Variants in TTC29 observed in about 807,000 individuals in gnomAD.
TTC29 encodes tetratricopeptide repeat domain 29.
In TTC29, 49 loss-of-function variants were observed where a neutral mutation model predicts 58.1. That is an observed-to-expected ratio of 0.84 (90% CI 0.67 to 1.07). TTC29 has a LOEUF of 1.07. Among genes scored for constraint, TTC29 ranks in the 50% least tolerant of loss-of-function variants. The pLI is 0.00. For missense variants in TTC29, 582 were observed against 555.6 expected (o/e 1.05, Z -0.48); for synonymous variants, 209 against 196.8 (o/e 1.06, Z -0.52).
intron 10 of TTC29, among the ~76,000 whole-genome samples, chr4:146,817,089 A>G (rs1751460154): frequency 1.3e-5 from 2 of 152,210 alleles, no homozygotes; most frequent in Non-Finnish European, 2.9e-5. Flanking sequence ...CAGGGCAATT[A>G]GGCAGGAGAA....
At chr4:146,775,097 T>C (rs781772646) in intron 11 of TTC29, among the ~76,000 whole-genome samples, 1 of 152,144 alleles carries the variant, frequency 6.6e-6, no homozygotes, top group Non-Finnish European at 1.5e-5. Flanking sequence ...CATTGCTCAG[T>C]AGCTTTTCTC....
At chr4:146,747,408 G>A (rs1218504128) in intron 11 of TTC29, among the ~76,000 whole-genome samples, 2 of 152,296 alleles carry the variant, frequency 1.3e-5, no homozygotes, top group African/African-American at 2.4e-5. Context: ...CTCAATCAGA[G>A]CTTCTGCTAT....
At chr4:146,743,779 CA>C (rs1378536577) in intron 11 of TTC29, among the ~76,000 whole-genome samples, 1 of 152,216 alleles carries the variant, frequency 6.6e-6, no homozygotes, top group Non-Finnish European at 1.5e-5. Flanking sequence ...ATTGTCCCAT[CA>C]AGAGGGTATT....
intron 10 of TTC29, among the ~76,000 whole-genome samples, chr4:146,819,011 C>T (rs1052410712): frequency 3.3e-5 from 5 of 151,524 alleles, no homozygotes; most frequent in Non-Finnish European, 5.9e-5. Context: ...TGCTAAATGA[C>T]GAGTTAATGG....
At chr4:146,811,863 C>A (rs532050834) in intron 10 of TTC29, among the ~76,000 whole-genome samples, 1 of 152,208 alleles carries the variant, frequency 6.6e-6, no homozygotes, top group South Asian at 2.1e-4. Context: ...ATCTTATATG[C>A]CCACACAGAC....
intron 8 of TTC29, among the ~76,000 whole-genome samples, chr4:146,861,182 C>T (rs1010979168): frequency 1.3e-5 from 2 of 152,144 alleles, no homozygotes; most frequent in African/African-American, 4.8e-5. Flanking sequence ...CTAAGAGAGG[C>T]CATTCCTTTT....
At chr4:146,747,954 T>C (rs544289136) in intron 11 of TTC29, among the ~76,000 whole-genome samples, 3 of 152,296 alleles carry the variant, frequency 2.0e-5, no homozygotes, top group African/African-American at 7.2e-5. Context: ...TGCTGTGCTG[T>C]TCCCCACCCG....
At chr4:146,870,304 G>A (rs1730848319) in intron 7 of TTC29, among the ~76,000 whole-genome samples, 1 of 152,034 alleles carries the variant, frequency 6.6e-6, no homozygotes, top group African/African-American at 2.4e-5. Flanking sequence ...AATACTCTGA[G>A]ATGGATGAAA....
At chr4:146,931,606 G>A (rs780868750) in intron 4 of TTC29, among the ~76,000 whole-genome samples, 1 of 152,134 alleles carries the variant, frequency 6.6e-6, no homozygotes, top group Non-Finnish European at 1.5e-5. Context: ...ACCACAGAAG[G>A]AATCAGCTCC....
At chr4:146,776,753 C>T (rs1052460177) in intron 11 of TTC29, among the ~76,000 whole-genome samples, 1 of 152,236 alleles carries the variant, frequency 6.6e-6, no homozygotes, top group Non-Finnish European at 1.5e-5. Context: ...GCTAGCACAG[C>T]AGGGTGCATA....
chr4:146,719,264 C>T (rs547169088), intron 11 of TTC29, among the ~76,000 whole-genome samples: 1 of 150,214 alleles, frequency 6.7e-6, no homozygotes, highest in East Asian at 2.0e-4. Context: ...ATTGTCTTTT[C>T]TATTTATGAA....
chr4:146,828,332 T>A (rs1441443102), intron 9 of TTC29, among the ~76,000 whole-genome samples: 2 of 152,132 alleles, frequency 1.3e-5, no homozygotes, highest in Admixed American at 6.5e-5. Flanking sequence ...TATTTAGAAT[T>A]TTGAGTGAAC....
At chr4:146,708,330 A>ACACATG (rs1209174993) in intron 11 of TTC29, among the ~76,000 whole-genome samples, 73 of 64,030 alleles carry the variant, frequency 1.1e-3, no homozygotes, top group African/African-American at 3.3e-3. Context: ...ATATATATAT[A>ACACATG]TATATATATA....
chr4:146,716,093 G>A (rs1475672192), intron 11 of TTC29, among the ~76,000 whole-genome samples: 2 of 151,920 alleles, frequency 1.3e-5, no homozygotes, highest in Admixed American at 1.3e-4. Flanking sequence ...AACATCTCTC[G>A]AATCTGAAAA....
At chr4:146,920,810 G>T (rs961353167) in intron 4 of TTC29, among the ~76,000 whole-genome samples, 2 of 150,708 alleles carry the variant, frequency 1.3e-5, no homozygotes, top group African/African-American at 4.9e-5. Flanking sequence ...TGTATGTCTT[G>T]GGTGAGAAAT....
rs1733312544 is a variant in TTC29 at position 146,903,638 on chromosome 4, T to C, written c.492A>G (p.Glu164=). The part of the protein sequence containing the change: ...EDKWVRNHFY[E]RCFKIAQLIK... ...TCAGCTGAGCAATCTTAAAACATCG[T>C]TCATAGAAGTGGTTCCTTACCCACT... Residue 164 remains glutamate, a synonymous_variant, in exon 6 of 13, where the codon GAA becomes GAG. Coordinates refer to ENST00000325106, the MANE Select transcript of TTC29 (RefSeq NM_031956.4). The C allele has an allele frequency of 6.2e-7, 1 of 1,613,050 alleles. No homozygotes were observed. The highest frequency in any genetic ancestry group is 8.5e-7 in the Non-Finnish European group (1 of 1,179,496).
intron 11 of TTC29, among the ~76,000 whole-genome samples, chr4:146,774,028 CAT>C (rs1747914750): frequency 6.6e-6 from 1 of 151,952 alleles, no homozygotes; most frequent in African/African-American, 2.4e-5. Context: ...AGTTTGTGTG[CAT>C]AGAGTTGTTC....
In TTC29 at chr4:146,803,505, G is replaced by T; in HGVS notation, c.1282C>A (p.Leu428Met). ...TTACCTCTGCTCTCCTTCCATGACA[G>T]CAGGTAGTTGAGGCTGGTGAGATCT... Reference protein sequence around the residue: ...SADLTSLNYLLSWKESRGNIE... With the variant: ...SADLTSLNYLMSWKESRGNIE... Residue 428 changes from leucine to methionine, a missense_variant, in exon 11 of 13, where the codon CTG becomes ATG. Coordinates refer to ENST00000325106, the MANE Select transcript of TTC29 (RefSeq NM_031956.4). 1 of 1,599,694 alleles carries T rather than the reference G, an allele frequency of 6.3e-7. No individual in the cohort carries two copies. The highest frequency in any genetic ancestry group is 2.2e-5 in the East Asian group (1 of 44,578).
chr4:146,916,448 G>T (rs972659164), intron 4 of TTC29, among the ~76,000 whole-genome samples: 3 of 151,420 alleles, frequency 2.0e-5, no homozygotes, highest in Non-Finnish European at 4.4e-5. Context: ...TTAATGCTTA[G>T]GTTGTTCACA....
Sources: gnomAD v4.1 joint callset for allele counts (sites outside exome capture counted in the v4.1 genomes callset) on GRCh38, gnomAD v4.1.1 for gene constraint, MANE v1.5 for transcripts, NCBI Gene and HGNC (gene_info 2026-07-23, HGNC 2026-07-21) for gene names.